NUP98: variants seen among roughly 807,000 people sequenced by gnomAD.
NUP98 encodes nucleoporin 98 and 96 precursor.
Under a neutral mutation model 191.9 loss-of-function variants are expected in NUP98, and 26 were observed. The observed-to-expected ratio is 0.14, with a 90% CI of 0.10 to 0.19. The LOEUF (loss-of-function observed/expected upper bound fraction) is 0.19. NUP98 is among the 10% of genes least tolerant of loss of function. NUP98 has a pLI of 1.00. For missense variants in NUP98, 1,941 were observed against 2,178.8 expected (o/e 0.89, Z 2.17); for synonymous variants, 808 against 778.4 (o/e 1.04, Z -0.63).
chr11:3,794,222 C>T (rs1176364620), intron 1 of NUP98, among the ~76,000 whole-genome samples: 1 of 152,220 alleles, frequency 6.6e-6, no homozygotes, highest in Non-Finnish European at 1.5e-5. Context: ...TAGAGCCATA[C>T]TGTGCCAAAT....
At chr11:3,708,724 T>TAAAAAAAA (rs201767459) in intron 20 of NUP98, among the ~76,000 whole-genome samples, 1 of 123,840 alleles carries the variant, frequency 8.1e-6, no homozygotes. Flanking sequence ...AAGGTGTACT[T>TAAAAAAAA]AAAAAAAAAA....
chr11:3,711,836 GCCT>G (rs1336791799), intron 20 of NUP98: 39 of 1,031,188 alleles, frequency 3.8e-5, no homozygotes, highest in South Asian at 1.4e-4. Context: ...CTCCAGAAAT[GCCT>G]CCTAAGAGAT....
intron 9 of NUP98, among the ~76,000 whole-genome samples, chr11:3,761,974 A>G (rs1462123946): frequency 1.3e-5 from 2 of 152,132 alleles, no homozygotes; most frequent in East Asian, 3.9e-4. Context: ...CAACAACAAC[A>G]GAAGTACTAG....
chr11:3,691,540 T>C (rs2078310668), intron 27 of NUP98, 51 bp from the exon 28 acceptor site: 1 of 1,561,076 alleles, frequency 6.4e-7, no homozygotes, highest in South Asian at 1.2e-5. Context: ...TCAGTTTTAC[T>C]AGATGCCATT....
intron 10 of NUP98, among the ~76,000 whole-genome samples, chr11:3,759,170 G>C (rs968868792): frequency 2.0e-5 from 3 of 152,168 alleles, no homozygotes; most frequent in African/African-American, 7.2e-5. Flanking sequence ...TCAGTGCCTA[G>C]TGATGTATCT....
At chr11:3,686,439 G>A (rs963851934) in intron 28 of NUP98, among the ~76,000 whole-genome samples, 2 of 152,190 alleles carry the variant, frequency 1.3e-5, no homozygotes, top group African/African-American at 4.8e-5. Flanking sequence ...GCTGGTAATG[G>A]TTTGGCGTAT....
intron 11 of NUP98, among the ~76,000 whole-genome samples, chr11:3,749,657 G>C (rs1278701347): frequency 6.6e-6 from 1 of 151,492 alleles, no homozygotes; most frequent in Non-Finnish European, 1.5e-5. Flanking sequence ...AAATTAACAA[G>C]AATCTCAAGT....
chr11:3,726,567 T>C (rs1280722774), intron 14 of NUP98, among the ~76,000 whole-genome samples: 2 of 149,724 alleles, frequency 1.3e-5, no homozygotes, highest in Non-Finnish European at 3.0e-5. Flanking sequence ...AACAACTTTA[T>C]GCCAATAAAT....
intron 27 of NUP98, among the ~76,000 whole-genome samples, chr11:3,692,575 A>C (rs1464666508): frequency 6.6e-6 from 1 of 151,874 alleles, no homozygotes; most frequent in African/African-American, 2.4e-5. Flanking sequence ...AGCCTGGGCT[A>C]CACAGCGAGA....
chr11:3,735,103 T>C, intron 13 of NUP98, 88 bp downstream of exon 13: 1 of 1,267,924 alleles, frequency 7.9e-7, no homozygotes, highest in Non-Finnish European at 1.0e-6. Flanking sequence ...GCTTAATCCC[T>C]TAATATATAC....
At chr11:3,783,738 A>G (rs1199923805) in intron 1 of NUP98, among the ~76,000 whole-genome samples, 2 of 152,042 alleles carry the variant, frequency 1.3e-5, no homozygotes, top group Non-Finnish European at 2.9e-5. Flanking sequence ...ACCTCACATA[A>G]ATTATTTTAC....
chr11:3,756,306 A>G (rs1394179293), intron 10 of NUP98, among the ~76,000 whole-genome samples: 1 of 152,234 alleles, frequency 6.6e-6, no homozygotes, highest in African/African-American at 2.4e-5. Flanking sequence ...ATTCTCACTG[A>G]CAAGTTTATC....
intron 14 of NUP98, among the ~76,000 whole-genome samples, chr11:3,726,869 C>A (rs927033079): frequency 6.6e-5 from 10 of 151,656 alleles, no homozygotes; most frequent in African/African-American, 2.4e-4. Context: ...TCCTGTGATG[C>A]TCCCACCTCA....
chr11:3,783,434 C>T lies in NUP98; in HGVS notation c.-28-1289G>A, dbSNP rs546282018. Among the ~76,000 whole-genome samples, 694 of 152,188 alleles carry T rather than the reference C, an allele frequency of 4.6e-3. 4 individuals are homozygous for T. The highest frequency in any genetic ancestry group is 0.016 in the African/African-American group (644 of 41,518). ...CTCACCTTGGCTGGGCGCGGTGGCTCACGCCTGTAATCCCAGCACTTTGGG... is the reference window on the plus strand; with the variant it reads ...CTCACCTTGGCTGGGCGCGGTGGCTTACGCCTGTAATCCCAGCACTTTGGG... On this transcript the variant is annotated intron_variant, in intron 1 of 32. Transcript: ENST00000324932.
At chr11:3,731,651 AC>A in intron 13 of NUP98, 73 bp from the exon 14 acceptor site, 2 of 1,019,498 alleles carry the variant, frequency 2.0e-6, no homozygotes, top group Non-Finnish European at 2.7e-6. Flanking sequence ...AAATCACAAG[AC>A]CAGATTTCAA....
intron 21 of NUP98, among the ~76,000 whole-genome samples, chr11:3,706,041 C>T (rs933563051): frequency 3.3e-5 from 5 of 149,952 alleles, no homozygotes; most frequent in South Asian, 2.1e-4. Flanking sequence ...TGGTGGTACA[C>T]GCCTGTAATC....
chr11:3,690,735 A>G (rs1018937987), intron 28 of NUP98, among the ~76,000 whole-genome samples: 1 of 152,208 alleles, frequency 6.6e-6, no homozygotes, highest in African/African-American at 2.4e-5. Context: ...AAATGATATA[A>G]TCACTTCTGG....
intron 1 of NUP98, among the ~76,000 whole-genome samples, chr11:3,788,919 C>T (rs184095627): frequency 6.0e-4 from 91 of 152,208 alleles, no homozygotes; most frequent in African/African-American, 2.0e-3. Context: ...TGCACTCCAG[C>T]CTGGATAACA....
chr11:3,701,874 A>C (rs185828826), intron 23 of NUP98, among the ~76,000 whole-genome samples: 3,578 of 151,798 alleles, frequency 0.024, 79 homozygotes, highest in East Asian at 0.061. Flanking sequence ...TTTTTAGTAG[A>C]GACAGAGTTT....
Sources: allele counts gnomAD v4.1 joint callset (sites outside exome capture counted in the v4.1 genomes callset), GRCh38; gene constraint gnomAD v4.1.1; transcripts MANE v1.5; gene names NCBI Gene and HGNC (gene_info 2026-07-23, HGNC 2026-07-21).